Variants in DUSP16 observed in about 807,000 individuals in gnomAD.
The protein encoded by DUSP16 is dual specificity phosphatase 16.
In DUSP16, 21 loss-of-function variants were observed where a neutral mutation model predicts 58.3. The observed-to-expected ratio is 0.36, with a 90% confidence interval of 0.26 to 0.52. The LOEUF is 0.52. Ranked by LOEUF, DUSP16 falls within the 20% of genes least tolerant of loss-of-function variation. The pLI is 0.94. For missense variants in DUSP16, 726 were observed against 819.0 expected, an observed-to-expected ratio of 0.89 and a Z score of 1.39; for synonymous variants, 320 against 323.8, an observed-to-expected ratio of 0.99 and a Z score of 0.12.
chr12:12,484,324 T>C (rs1375631553), intron 5 of DUSP16, among the ~76,000 whole-genome samples: 2 of 152,140 alleles, frequency 1.3e-5, no homozygotes, highest in Non-Finnish European at 2.9e-5. Context: ...ATGTATTTTG[T>C]GTGTATGTGT....
chr12:12,478,380 T>C (rs555596473), intron 6 of DUSP16, among the ~76,000 whole-genome samples: 1 of 152,130 alleles, frequency 6.6e-6, no homozygotes, highest in African/African-American at 2.4e-5. Context: ...TCGCCCAGGC[T>C]GGAATACAGT....
chr12:12,558,903 C>T (rs1188949290), intron 1 of DUSP16, among the ~76,000 whole-genome samples: 1 of 152,098 alleles, frequency 6.6e-6, no homozygotes, highest in African/African-American at 2.4e-5. Flanking sequence ...TTTCTTTGTA[C>T]CTGTCCAAGG....
rs1366238865 is a variant in DUSP16, at chr12:12,477,451, A to G, written c.1380T>C (p.Pro460=). 1 of 1,602,856 alleles carries G rather than the reference A, an allele frequency of 6.2e-7. No individual in the cohort carries two copies. The highest frequency in any genetic ancestry group is 8.5e-7 in the Non-Finnish European group (1 of 1,174,120). Residue 460 remains proline, a synonymous_variant, in exon 7 of 7, where the codon CCT becomes CCC. Transcript: ENST00000298573. The surrounding 1 kb of genome is among the most constrained non-coding windows in gnomAD (Gnocchi z 4.1). ...ELSEQTPETS[P]DKEEASIPKK... Reference sequence around the variant, plus strand: ...TGGGGATGCTGGCTTCCTCCTTATCAGGACTGGTTTCGGGAGTCTGCTCCG... The same window carrying G: ...TGGGGATGCTGGCTTCCTCCTTATCGGGACTGGTTTCGGGAGTCTGCTCCG...
intron 1 of DUSP16, among the ~76,000 whole-genome samples, chr12:12,528,033 G>C (rs951087910): frequency 5.3e-5 from 8 of 152,208 alleles, no homozygotes; most frequent in Non-Finnish European, 1.2e-4. Flanking sequence ...TTTCTGTTCA[G>C]GGCAAGGAGC....
chr12:12,556,063 T>G (rs1313352983), intron 1 of DUSP16, among the ~76,000 whole-genome samples: 1 of 152,038 alleles, frequency 6.6e-6, no homozygotes, highest in East Asian at 1.9e-4. Flanking sequence ...ATTAAATAAA[T>G]TAAGCATTTA....
intron 5 of DUSP16, among the ~76,000 whole-genome samples, chr12:12,482,373 A>G (rs762890536): frequency 6.6e-6 from 1 of 152,184 alleles, no homozygotes; most frequent in Non-Finnish European, 1.5e-5. Flanking sequence ...CTGTTTTTCA[A>G]ATTTTCTGCA....
intron 1 of DUSP16, among the ~76,000 whole-genome samples, chr12:12,534,243 A>C (rs1399022888): frequency 5.3e-5 from 8 of 152,216 alleles, no homozygotes; most frequent in African/African-American, 1.9e-4. Context: ...GCAGGATCCT[A>C]GTCTGTGCTA....
In DUSP16 at chr12:12,477,869, T is replaced by A; in HGVS notation, c.962A>T (p.Glu321Val). The A allele has an allele frequency of 6.2e-7, 1 of 1,614,124 alleles. No individual in the cohort carries two copies. The highest frequency in any genetic ancestry group is 8.5e-7 in the Non-Finnish European group (1 of 1,180,036). ...LKLLHLEKPN[E>V]PVPAVSEGGQ... ...ACCCTCTGAGACAGCAGGGACAGGT[T>A]CATTTGGCTTCTCCAGGTGCAGCAG... Residue 321 changes from glutamate to valine, a missense_variant, in exon 7 of 7, where the codon GAA (glutamate) becomes GTA (valine). Transcript: ENST00000298573. The surrounding 1 kb of genome is among the most constrained non-coding windows in gnomAD (Gnocchi z 4.1).
In DUSP16 at chr12:12,498,261, A is replaced by G. The variant is rs144355689; in HGVS notation, c.531+2258T>C. ...TGGATAATGTTGGGGAATTCATGTAACATTTTTGGAATACTGATTTCCTCA... is the reference window on the plus strand; with the variant it reads ...TGGATAATGTTGGGGAATTCATGTAGCATTTTTGGAATACTGATTTCCTCA... On this transcript the variant is annotated intron_variant, in intron 4 of 6. Coordinates refer to ENST00000298573, the MANE Select transcript of DUSP16 (RefSeq NM_030640.3). Among the ~76,000 whole-genome samples, 798 of 152,260 alleles carry G rather than the reference A, an allele frequency of 5.2e-3. 8 individuals are homozygous for G. The highest frequency in any genetic ancestry group is 0.018 in the African/African-American group (733 of 41,552).
intron 4 of DUSP16, among the ~76,000 whole-genome samples, chr12:12,491,062 CAAAGATGTGGGGA>C (rs1031364947): frequency 3.9e-5 from 6 of 152,092 alleles, no homozygotes; most frequent in Non-Finnish European, 7.3e-5. Flanking sequence ...ATTCACCTTC[CAAAGATGTGGGGA>C]AAAGATGTCG....
intron 1 of DUSP16, among the ~76,000 whole-genome samples, chr12:12,557,671 A>C (rs1395998467): frequency 6.6e-6 from 1 of 152,222 alleles, no homozygotes; most frequent in Non-Finnish European, 1.5e-5. Flanking sequence ...TCACAGAATA[A>C]GTGCAATTTA....
chr12:12,482,653 G>T (rs1943594517), intron 5 of DUSP16, among the ~76,000 whole-genome samples: 1 of 152,210 alleles, frequency 6.6e-6, no homozygotes, highest in Non-Finnish European at 1.5e-5. Context: ...CAGAGAGAAG[G>T]TTTGAGAAGG....
At chr12:12,481,265 C>G (rs746304414) in intron 5 of DUSP16, among the ~76,000 whole-genome samples, 3 of 152,172 alleles carry the variant, frequency 2.0e-5, no homozygotes, top group Non-Finnish European at 4.4e-5. Context: ...GAAATCCAAG[C>G]AGTGCTGCCA....
At chr12:12,487,722 A>T (rs1352301377) in intron 4 of DUSP16, among the ~76,000 whole-genome samples, 2 of 152,182 alleles carry the variant, frequency 1.3e-5, no homozygotes, top group Non-Finnish European at 2.9e-5. Flanking sequence ...ACTGACTATC[A>T]GGATGTTCCA....
chr12:12,485,009 GAT>G, intron 5 of DUSP16, among the ~76,000 whole-genome samples: 1 of 142,244 alleles, frequency 7.0e-6, no homozygotes, highest in South Asian at 2.4e-4. Context: ...GTTTGTTTGT[GAT>G]TTTTTTTTTT....
At chr12:12,522,486 CT>C (rs1256682855) in intron 1 of DUSP16, among the ~76,000 whole-genome samples, 3 of 152,270 alleles carry the variant, frequency 2.0e-5, no homozygotes, top group Admixed American at 2.0e-4. Flanking sequence ...CCTATCTCCC[CT>C]GGTCCATCTC....
At chr12:12,509,364 AT>A (rs139429967) in intron 3 of DUSP16, among the ~76,000 whole-genome samples, 24,157 of 151,964 alleles carry the variant, frequency 0.16, 2,439 homozygotes, top group East Asian at 0.39. Context: ...TGGTCCCAAA[AT>A]TTTTTTACCA....
intron 5 of DUSP16, among the ~76,000 whole-genome samples, chr12:12,484,690 C>G (rs1161526834): frequency 5.3e-5 from 8 of 151,478 alleles, no homozygotes; most frequent in African/African-American, 1.9e-4. Flanking sequence ...GGCGTGGTCT[C>G]GGCTCACTGC....
intron 4 of DUSP16, among the ~76,000 whole-genome samples, chr12:12,489,870 G>A (rs916126253): frequency 1.3e-5 from 2 of 152,134 alleles, no homozygotes; most frequent in East Asian, 3.8e-4. Context: ...AATGACACAC[G>A]GTACTGATTA....
Sources: gnomAD v4.1 joint callset for allele counts (sites outside exome capture counted in the v4.1 genomes callset) on GRCh38, gnomAD v4.1.1 for gene constraint, Gnocchi (gnomAD v3.1) non-coding constraint, MANE v1.5 for transcripts, NCBI Gene and HGNC (gene_info 2026-07-23, HGNC 2026-07-21) for gene names.